The following ZFPM1 variants were observed in gnomAD, a reference collection of about 807,000 sequenced individuals.
ZFPM1 encodes the protein zinc finger protein, FOG family member 1.
ZFPM1 carries 28 observed loss-of-function variants against 46.3 expected under a neutral mutation model. That is an observed-to-expected ratio of 0.60 (90% CI 0.45 to 0.83). The LOEUF is 0.83. ZFPM1 is among the 40% of genes least tolerant of loss of function. The probability of loss-of-function intolerance (pLI) is 0.00; values close to 1 mark genes in which losing one functional copy is unlikely to be tolerated. For synonymous variants in ZFPM1, 957 were observed against 675.9 expected (o/e 1.42, Z -6.45); for missense variants, 1,878 against 1,432.4 (o/e 1.31, Z -5.02).
At chr16:88,506,182 C>G (rs534837439) in intron 3 of ZFPM1, among the ~76,000 whole-genome samples, 1 of 151,764 alleles carries the variant, frequency 6.6e-6, no homozygotes, top group South Asian at 2.1e-4. Context: ...AGGCAGAAGG[C>G]AGAGGAGACC....
intron 3 of ZFPM1, among the ~76,000 whole-genome samples, chr16:88,512,038 C>G (rs1597264285): frequency 6.6e-6 from 1 of 152,260 alleles, no homozygotes; most frequent in Non-Finnish European, 1.5e-5. Context: ...GAACGGCCAC[C>G]TTTATCAGAG....
Position 88,533,470 on chromosome 16 carries a change from G to GTCCAGCCCCACGCCGGGC in ZFPM1, c.1521_1538dup (p.Thr508_Pro513dup). The GTCCAGCCCCACGCCGGGC allele has an allele frequency of 7.1e-7, 1 of 1,415,386 alleles. No homozygotes were observed. Among genetic ancestry groups the GTCCAGCCCCACGCCGGGC allele is most frequent in the South Asian group, 1.4e-5 (1 of 70,846 alleles). 87.7% of individuals were successfully genotyped at this position (1,415,386 alleles called of 1,614,324 possible). On this transcript the variant is annotated inframe_insertion, in exon 10 of 10. Transcript: ENST00000319555. Reference sequence around the variant, plus strand: ...CCCCGGCCAGGGTCAAGGCCGAGCTGTCCAGCCCCACGCCGGGCTCCAGCC... The same window carrying GTCCAGCCCCACGCCGGGC: ...CCCCGGCCAGGGTCAAGGCCGAGCTGTCCAGCCCCACGCCGGGCTCCAGCCCCACGCCGGGCTCCAGCC...
upstream of ZFPM1, among the ~76,000 whole-genome samples, chr16:88,451,848 G>C (rs558006811): frequency 6.6e-6 from 1 of 152,252 alleles, no homozygotes; most frequent in African/African-American, 2.4e-5. Context: ...GTTCCTGTCT[G>C]TCCATGGCAG....
intron 4 of ZFPM1, among the ~76,000 whole-genome samples, chr16:88,525,621 G>A (rs1567552672): frequency 6.6e-6 from 1 of 152,260 alleles, no homozygotes; most frequent in Non-Finnish European, 1.5e-5. Flanking sequence ...GCAGCACAGG[G>A]CTGAGGGTCA....
At chr16:88,502,532 T>A (rs577643487) in intron 3 of ZFPM1, among the ~76,000 whole-genome samples, 1 of 152,304 alleles carries the variant, frequency 6.6e-6, no homozygotes, top group South Asian at 2.1e-4. Context: ...GGAGTCACTG[T>A]AGGTCTTGGG....
intron 4 of ZFPM1, among the ~76,000 whole-genome samples, chr16:88,526,486 C>G (rs374128408): frequency 6.6e-6 from 1 of 152,138 alleles, no homozygotes; most frequent in South Asian, 2.1e-4. Context: ...AGTTCAGGCT[C>G]TGCTGCTCCC....
upstream of ZFPM1, among the ~76,000 whole-genome samples, chr16:88,452,893 C>A (rs549527485): frequency 1.3e-3 from 192 of 152,298 alleles, no homozygotes; most frequent in African/African-American, 4.4e-3. Context: ...CCAGCGCGGC[C>A]TGGGGACATG....
chr16:88,511,333 TCC>T (rs1194496828), intron 3 of ZFPM1, among the ~76,000 whole-genome samples: 1 of 151,746 alleles, frequency 6.6e-6, no homozygotes, highest in African/African-American at 2.4e-5. Context: ...CAGCCACAGC[TCC>T]CAGTGTGGCT....
chr16:88,525,135 C>G lies in ZFPM1; in HGVS notation c.403-1679C>G, dbSNP rs142950841. The stretch of plus-strand genomic sequence containing the variant: ...AGTGCCCTGCGGATGGGCCAAGAGG[C>G]AGGGGTGGCCCAGAGGGGTCCCTGC... On this transcript the variant is annotated intron_variant, in intron 4 of 9. Transcript: ENST00000319555. Among the ~76,000 whole-genome samples, 827 of 152,342 alleles carry G rather than the reference C, an allele frequency of 5.4e-3. 12 individuals are homozygous for G. The highest frequency in any genetic ancestry group is 0.019 in the African/African-American group (771 of 41,576).
At chr16:88,487,520 T>G (rs1349452012) in intron 2 of ZFPM1, among the ~76,000 whole-genome samples, 1 of 151,796 alleles carries the variant, frequency 6.6e-6, no homozygotes, top group Non-Finnish European at 1.5e-5. Context: ...GTCCAAAGGC[T>G]CCAAGGCCAA....
At chr16:88,531,478 C>T (rs1414472743) in intron 6 of ZFPM1, among the ~76,000 whole-genome samples, 10 of 152,176 alleles carry the variant, frequency 6.6e-5, no homozygotes, top group Non-Finnish European at 1.3e-4. Flanking sequence ...CTAACTTGTG[C>T]ACTCCTGGTC....
Position 88,480,863 on chromosome 16 carries a change from C to T in ZFPM1, c.41-5076C>T, listed in dbSNP as rs937487677. Among the ~76,000 whole-genome samples, 3 of 152,256 alleles carry T rather than the reference C, an allele frequency of 2.0e-5. No individual in the cohort carries two copies. In the South Asian group the frequency reaches 6.2e-4, roughly 31 times the overall value. On this transcript the variant is annotated intron_variant, in intron 1 of 9. Transcript: ENST00000319555. The surrounding 1 kb of genome is among the most constrained non-coding windows in gnomAD (Gnocchi z 4.9). ...CGACTGGCTCCAGCTTTCCGCAAGA[C>T]AGTCGTTCAAAGGAGCCCCCCAGCG...
intron 1 of ZFPM1, among the ~76,000 whole-genome samples, chr16:88,465,792 T>G (rs1908107474): frequency 6.6e-6 from 1 of 152,198 alleles, no homozygotes; most frequent in South Asian, 2.1e-4. Context: ...TCTGTCTGGA[T>G]AAAGCCGCCT....
Position 88,534,559 on chromosome 16 carries a change from G to A in ZFPM1, c.2601G>A (p.Gly867=), listed in dbSNP as rs1913128453. Residue 867 remains glycine, a synonymous_variant, in exon 10 of 10, where the codon GGG becomes GGA. Transcript: ENST00000319555. ...GCCCCCCGAACGGCCCGGTGCGCGG[G>A]GACCTGCTGGAGCATTTCCGCCTGG... ...PYCPPNGPVR[G]DLLEHFRLAH... is the part of the protein sequence containing the mutation. 2 of 1,338,822 alleles carry A rather than the reference G, an allele frequency of 1.5e-6. No individual in the cohort carries two copies. The highest frequency in any genetic ancestry group is 9.6e-7 in the Non-Finnish European group (1 of 1,046,628). The allele number at this position is 1,338,822 out of a possible 1,614,324, so 82.9% of individuals were successfully genotyped here. A position where few individuals can be genotyped will look rare whatever the true frequency, so the allele number is the denominator to read the frequency against.
At position 88,528,157 on chromosome 16, in the gene ZFPM1, T is replaced by C. The variant is rs1306194591; in HGVS notation, c.631T>C (p.Cys211Arg). The change falls in exon 6 of 10, where the codon TGC becomes CGC. Residue 211 changes from cysteine (C) to arginine (R), a missense_variant. Coordinates refer to ENST00000319555, the MANE Select transcript of ZFPM1 (RefSeq NM_153813.3). ...GAAGAAGGAGCCAGCAGAGCCCACG[T>C]GCCCGGCCCCTGCACACGACCTCCA... ...PVKKEPAEPT[C>R]PAPAHDLQLL... is the part of the protein sequence containing the mutation. 2.5e-6 allele frequency: 4 copies of C among 1,608,676 alleles called. No individual in the cohort carries two copies. In the South Asian group the frequency reaches 3.3e-5, roughly 13 times the overall value.
At position 88,522,843 on chromosome 16, in the gene ZFPM1, G is replaced by A. The variant is rs867195443; in HGVS notation, c.403-3971G>A. 2.6e-5 allele frequency among the ~76,000 whole-genome samples: 4 copies of A among 152,204 alleles called. No homozygotes were observed. The South Asian group carries it at 6.2e-4, about 24-fold the overall frequency. On this transcript the variant is annotated intron_variant, in intron 4 of 9. Transcript: ENST00000319555. ...GCCGAGCCTGTGGCACCCTGGGAGG[G>A]AAGATGGCCGCAGCACCCACATCTC...
chr16:88,489,697 G>A (rs1909448482), intron 3 of ZFPM1, among the ~76,000 whole-genome samples: 1 of 152,238 alleles, frequency 6.6e-6, no homozygotes, highest in Non-Finnish European at 1.5e-5. Flanking sequence ...GGGTGGTTTG[G>A]TGACTCTGCT....
chr16:88,490,816 C>G (rs1013285213), intron 3 of ZFPM1, among the ~76,000 whole-genome samples: 2 of 152,166 alleles, frequency 1.3e-5, no homozygotes, highest in Non-Finnish European at 2.9e-5. Flanking sequence ...CTCACGGGCT[C>G]CCCCTGCTGT....
chr16:88,462,118 C>A (rs12922009), intron 1 of ZFPM1, among the ~76,000 whole-genome samples: 2 of 151,866 alleles, frequency 1.3e-5, no homozygotes, highest in Admixed American at 6.6e-5. Flanking sequence ...GGCAGAGCCG[C>A]GTGAGCAGAT....
Sources: gnomAD v4.1 joint callset for allele counts (sites outside exome capture counted in the v4.1 genomes callset) on GRCh38, gnomAD v4.1.1 for gene constraint, Gnocchi (gnomAD v3.1) non-coding constraint, MANE v1.5 for transcripts, NCBI Gene and HGNC (gene_info 2026-07-23, HGNC 2026-07-21) for gene names.